The following RUFY3 variants were observed in gnomAD, a reference collection of about 807,000 sequenced individuals.
The protein encoded by RUFY3 is protein RUFY3.
RUFY3 carries 34 observed loss-of-function variants against 84.0 expected under a neutral mutation model. The ratio of observed to expected loss-of-function variants is 0.40; its 90% CI spans 0.31 to 0.54. The LOEUF is 0.54. Among genes scored for constraint, RUFY3 ranks in the 20% least tolerant of loss-of-function variants. The pLI is 0.39. For synonymous variants in RUFY3, 242 were observed against 252.9 expected, an observed-to-expected ratio of 0.96 and a Z score of 0.41; for missense variants, 507 against 736.8, an observed-to-expected ratio of 0.69 and a Z score of 3.61.
intron 5 of RUFY3, among the ~76,000 whole-genome samples, chr4:70,770,029 C>G (rs1726692855): frequency 6.6e-6 from 1 of 152,058 alleles, no homozygotes; most frequent in African/African-American, 2.4e-5. Flanking sequence ...GCCATATTGC[C>G]CAGGCTGATC....
rs147415056 is a variant in RUFY3 at position 70,808,283 on chromosome 4, A to ATATC, written c.*1634_*1637dup. On this transcript the variant is annotated 3_prime_UTR_variant, in exon 18 of 18. Transcript: ENST00000381006. ...TGGAGGGCTGACTGTACTTACTTAC[A>ATATC]TATCTATCTATCTTTGAGTAACAAA... 1.9e-4 allele frequency among the ~76,000 whole-genome samples: 29 copies of ATATC among 152,190 alleles called. No individual in the cohort carries two copies. The highest frequency in any genetic ancestry group is 3.9e-4 in the African/African-American group (16 of 41,456).
chr4:70,724,220 A>G (rs1717854751), intron 1 of RUFY3, among the ~76,000 whole-genome samples: 2 of 152,234 alleles, frequency 1.3e-5, no homozygotes, highest in African/African-American at 4.8e-5. Context: ...AAGCTTTAAA[A>G]GTCTTTAGGG....
chr4:70,791,982 G>C, intron 12 of RUFY3: 1 of 984,220 alleles, frequency 1.0e-6, no homozygotes, highest in Non-Finnish European at 1.2e-6. Context: ...TAGTAATTAG[G>C]TAACCTATGA....
chr4:70,751,862 G>A (rs531657901), intron 1 of RUFY3, among the ~76,000 whole-genome samples: 1 of 152,130 alleles, frequency 6.6e-6, no homozygotes, highest in African/African-American at 2.4e-5. Context: ...CTTACACTTT[G>A]GTCTCAGATC....
intron 1 of RUFY3, among the ~76,000 whole-genome samples, chr4:70,707,230 G>T (rs1275179128): frequency 1.3e-5 from 2 of 152,238 alleles, no homozygotes; most frequent in Non-Finnish European, 2.9e-5. Flanking sequence ...CGTGATCTCA[G>T]TCTCTACCTT....
chr4:70,739,828 T>TTA (rs1320182554), intron 1 of RUFY3, among the ~76,000 whole-genome samples: 2 of 98,056 alleles, frequency 2.0e-5, no homozygotes, highest in African/African-American at 7.0e-5. Context: ...ACTTAAAGTA[T>TTA]AAAAAAAAAA....
intron 7 of RUFY3, among the ~76,000 whole-genome samples, chr4:70,776,354 T>A (rs1380232354): frequency 6.6e-6 from 1 of 152,206 alleles, no homozygotes; most frequent in Non-Finnish European, 1.5e-5. Flanking sequence ...TTCATTGAAC[T>A]TCTTCTTCCT....
intron 3 of RUFY3, among the ~76,000 whole-genome samples, 154 bp downstream of exon 3, chr4:70,763,823 G>C (rs562901479): frequency 6.6e-6 from 1 of 152,314 alleles, no homozygotes; most frequent in African/African-American, 2.4e-5. Context: ...GAGAGAATTG[G>C]TATACAGAAT....
At chr4:70,727,586 C>A (rs1420172863) in intron 1 of RUFY3, among the ~76,000 whole-genome samples, 1 of 151,558 alleles carries the variant, frequency 6.6e-6, no homozygotes, top group Non-Finnish European at 1.5e-5. Context: ...GAACTCCTGA[C>A]CTCAGGCGAT....
chr4:70,785,281 T>C (rs542394414), intron 10 of RUFY3, among the ~76,000 whole-genome samples: 1 of 152,292 alleles, frequency 6.6e-6, no homozygotes, highest in East Asian at 1.9e-4. Context: ...CTGTTATTTC[T>C]GATTTATTAT....
chr4:70,722,504 T>C lies in RUFY3; in HGVS notation c.-70T>C. On this transcript the variant is annotated 5_prime_UTR_variant, in exon 1 of 18. Transcript: ENST00000381006. The stretch of plus-strand genomic sequence containing the variant: ...GGTTTTTTTGGTGAGGAGGTTGTAT[T>C]TATTTTTTTGGTGTGTGTGTGTGAG... 1 of 1,465,280 alleles carries C rather than the reference T, an allele frequency of 6.8e-7. No homozygotes were observed. The highest frequency in any genetic ancestry group is 9.1e-7 in the Non-Finnish European group (1 of 1,095,760). The allele number at this position is 1,465,280 out of a possible 1,614,324, so 90.8% of individuals were successfully genotyped here. A position where few individuals can be genotyped will look rare whatever the true frequency, so the allele number is the denominator to read the frequency against.
At chr4:70,764,341 G>A in intron 3 of RUFY3, 134 bp from the exon 4 acceptor site, 1 of 615,498 alleles carries the variant, frequency 1.6e-6, no homozygotes, top group Non-Finnish European at 2.9e-6. Flanking sequence ...AATGTACTGG[G>A]AGAGGTCCTG....
intron 1 of RUFY3, among the ~76,000 whole-genome samples, chr4:70,730,672 G>C (rs1322939357): frequency 6.6e-6 from 1 of 152,038 alleles, no homozygotes; most frequent in East Asian, 1.9e-4. Context: ...CTGGGAGACA[G>C]AGGTTGCAGT....
At chr4:70,772,814 C>A in intron 5 of RUFY3, among the ~76,000 whole-genome samples, 1 of 152,040 alleles carries the variant, frequency 6.6e-6, no homozygotes, top group East Asian at 1.9e-4. Context: ...GCATGTGCCA[C>A]CACACCCAGC....
intron 1 of RUFY3, among the ~76,000 whole-genome samples, chr4:70,738,192 T>C (rs541507060): frequency 6.7e-6 from 1 of 150,062 alleles, no homozygotes; most frequent in South Asian, 2.1e-4. Flanking sequence ...TTTCGCCATG[T>C]TGTCTAGGCT....
At chr4:70,753,758 A>T (rs575415330) in intron 1 of RUFY3, among the ~76,000 whole-genome samples, 1 of 152,174 alleles carries the variant, frequency 6.6e-6, no homozygotes, top group Non-Finnish European at 1.5e-5. Flanking sequence ...GTATATTAAT[A>T]TGTCTCTCCC....
At chr4:70,763,805 G>A in intron 3 of RUFY3, 136 bp downstream of exon 3, 2 of 1,045,002 alleles carry the variant, frequency 1.9e-6, no homozygotes, top group Middle Eastern at 6.7e-4. Flanking sequence ...ATGAATAGGT[G>A]CTGACAGGAG....
At chr4:70,750,938 T>C (rs1723037741) in intron 1 of RUFY3, among the ~76,000 whole-genome samples, 1 of 152,268 alleles carries the variant, frequency 6.6e-6, no homozygotes, top group African/African-American at 2.4e-5. Flanking sequence ...TTTTATGGAT[T>C]AATAATATTG....
intron 1 of RUFY3, among the ~76,000 whole-genome samples, chr4:70,760,726 T>TACATTTAAGCTATGGCC (rs1275304058): frequency 6.6e-6 from 1 of 152,220 alleles, no homozygotes; most frequent in Non-Finnish European, 1.5e-5. Context: ...CAAGTTGATC[T>TACATTTAAGCTATGGCC]ACATTTAAGC....
Sources: allele counts gnomAD v4.1 joint callset (sites outside exome capture counted in the v4.1 genomes callset), GRCh38; gene constraint gnomAD v4.1.1; transcripts MANE v1.5; gene names NCBI Gene and HGNC (gene_info 2026-07-23, HGNC 2026-07-21).